The following TXLNB variants were observed in gnomAD, a reference collection of about 807,000 sequenced individuals.
TXLNB encodes the protein taxilin beta.
A neutral mutation model predicts 57.4 loss-of-function variants in TXLNB; 37 were observed. That is an observed-to-expected ratio of 0.64 (90% CI 0.50 to 0.85). The LOEUF (loss-of-function observed/expected upper bound fraction) is 0.85. Among genes scored for constraint, TXLNB ranks in the 40% least tolerant of loss-of-function variants. The pLI, the probability that TXLNB is intolerant of heterozygous loss-of-function variation, is 0.00. For missense variants in TXLNB, 848 were observed against 825.6 expected (o/e 1.03, Z -0.33); for synonymous variants, 302 against 309.6 (o/e 0.98, Z 0.26).
At chr6:139,296,038 C>T (rs9389671), upstream of TXLNB, among the ~76,000 whole-genome samples, 369 of 152,200 alleles carry the variant, frequency 2.4e-3, 9 homozygotes, top group East Asian at 0.061. Context: ...ACCTTGACCC[C>T]CCCCTCCTCC....
chr6:139,200,031 C>T, the TXLNB span: 2 of 152,158 alleles, frequency 1.3e-5, no homozygotes, highest in African/African-American at 2.4e-5. Flanking sequence ...ATAGGTAGCT[C>T]CAGCCAGTAG....
At chr6:139,204,796 T>G in the TXLNB span, among the ~76,000 whole-genome samples, 1 of 152,148 alleles carries the variant, frequency 6.6e-6, no homozygotes, top group Admixed American at 6.5e-5. Flanking sequence ...GAGACCAGCC[T>G]CGCCAACTGC....
intron 2 of TXLNB, among the ~76,000 whole-genome samples, chr6:139,278,788 G>A (rs924123175): frequency 2.0e-5 from 3 of 152,176 alleles, no homozygotes; most frequent in Non-Finnish European, 4.4e-5. Context: ...GGCGGATCAC[G>A]AGGTCAGGAG....
chr6:139,187,756 A>C, the TXLNB span, among the ~76,000 whole-genome samples: 2 of 152,200 alleles, frequency 1.3e-5, no homozygotes, highest in African/African-American at 2.4e-5. Context: ...TTTACAAAGC[A>C]ATTTAGAGGC....
At position 139,285,706 on chromosome 6, in the gene TXLNB, C is replaced by G. The variant is rs79393210; in HGVS notation, c.424+2770G>C. ...CATAGCGATATCTGTAGGAAAATAG[C>G]CCCTTGCATGGCAAGAGTGATGCCA... On this transcript the variant is annotated intron_variant, in intron 2 of 9. Transcript: ENST00000358430. 2.7e-4 allele frequency among the ~76,000 whole-genome samples: 39 copies of G among 145,280 alleles called. 4 individuals are homozygous for G. Among genetic ancestry groups the G allele is most frequent in the African/African-American group, 8.9e-4 (35 of 39,542 alleles).
the TXLNB span, among the ~76,000 whole-genome samples, chr6:139,314,884 C>A: frequency 2.6e-5 from 4 of 152,152 alleles, no homozygotes; most frequent in African/African-American, 4.8e-5. Flanking sequence ...GACTCTGAAA[C>A]GAAATTGCTA....
chr6:139,223,454 CA>C, the TXLNB span, among the ~76,000 whole-genome samples: 2 of 151,842 alleles, frequency 1.3e-5, no homozygotes, highest in South Asian at 4.1e-4. Context: ...AACAAATGTA[CA>C]ATAGAGAAAA....
the TXLNB span, among the ~76,000 whole-genome samples, chr6:139,313,320 T>C: frequency 0.49 from 74,483 of 151,932 alleles, 18,846 homozygotes; most frequent in African/African-American, 0.61. Context: ...GATCCACCCA[T>C]CTCGGCCTCC....
rs1356593285 is a variant in TXLNB at position 139,276,998 on chromosome 6, C to T, written c.425-77G>A. The T allele has an allele frequency of 8.3e-6, 9 of 1,084,752 alleles. No individual in the cohort carries two copies. The Admixed American group carries it at 1.3e-4, about 16-fold the overall frequency. The allele number at this position is 1,084,752 out of a possible 1,614,324, so 67.2% of individuals were successfully genotyped here. The stretch of plus-strand genomic sequence containing the variant: ...ATAAGGGCTGGAGTCTCAGATTGAC[C>T]ACTTGCTAATTATTCCCAACCTTGG... On this transcript the variant is annotated intron_variant, in intron 2 of 9. Transcript: ENST00000358430.
rs1287366228 is a variant in TXLNB at position 139,282,543 on chromosome 6, C to CTCCA, written c.425-5626_425-5623dup. On this transcript the variant is annotated intron_variant, in intron 2 of 9. Coordinates refer to ENST00000358430, the MANE Select transcript of TXLNB (RefSeq NM_153235.4). ...AGTGAGCTGAGATCGCACCACTGTA[C>CTCCA]TCCAGCCTGGGCAACAGAGTGAGAC... 7.6e-5 allele frequency among the ~76,000 whole-genome samples: 11 copies of CTCCA among 145,604 alleles called. 1 individual carries two copies. Among genetic ancestry groups the CTCCA allele is most frequent in the Admixed American group, 7.4e-4 (11 of 14,850 alleles).
chr6:139,255,842 T>C (rs896254712), intron 6 of TXLNB, among the ~76,000 whole-genome samples: 2 of 151,664 alleles, frequency 1.3e-5, no homozygotes, highest in Non-Finnish European at 2.9e-5. Flanking sequence ...TTTGGGTGGC[T>C]GAGCTGGGAG....
At chr6:139,238,225 C>T (rs1433115547), downstream of TXLNB, among the ~76,000 whole-genome samples, 4 of 152,028 alleles carry the variant, frequency 2.6e-5, no homozygotes, top group Non-Finnish European at 5.9e-5. Context: ...GAAACCCCGT[C>T]TCTACTAAAA....
rs756091357 is a variant in TXLNB, at chr6:139,242,885, C to T, written c.1696G>A (p.Glu566Lys). 6.9e-5 allele frequency: 112 copies of T among 1,614,096 alleles called. 1 individual carries two copies. In the South Asian group the frequency reaches 9.8e-4, roughly 14 times the overall value. Residue 566 changes from glutamate to lysine, a missense_variant, in exon 10 of 10, where the codon GAA becomes AAA. Physicochemically the swap from Glu to Lys is moderately conservative, Grantham distance 56 (BLOSUM62 1). Transcript: ENST00000358430. ...LPPLTPQAEA[E>K]GGSDAEPPSK... The stretch of plus-strand genomic sequence containing the variant: ...GGAGGTTCAGCATCACTGCCTCCTT[C>T]GGCTTCAGCCTGAGGAGTTAGGGGA...
chr6:139,304,221 G>A, the TXLNB span, among the ~76,000 whole-genome samples: 2 of 152,134 alleles, frequency 1.3e-5, no homozygotes, highest in Middle Eastern at 3.2e-3. Context: ...TTGGCTCATC[G>A]ATTGTATCCA....
chr6:139,226,688 T>C, the TXLNB span, among the ~76,000 whole-genome samples: 7 of 152,106 alleles, frequency 4.6e-5, no homozygotes, highest in Admixed American at 1.3e-4. Context: ...CCAATAACTA[T>C]AGAAAAAGGT....
At chr6:139,165,118 A>G in the TXLNB span, among the ~76,000 whole-genome samples, 2 of 152,214 alleles carry the variant, frequency 1.3e-5, no homozygotes, top group South Asian at 4.1e-4. Flanking sequence ...TCTATAAGGT[A>G]GCTACTACAA....
At position 139,241,314 on chromosome 6, in the gene TXLNB, A is replaced by G. The variant is rs1240981846; in HGVS notation, c.*1212T>C. 6.6e-6 allele frequency: 1 copy of G among 151,388 alleles called. No homozygotes were observed. The highest frequency in any genetic ancestry group is 2.4e-5 in the African/African-American group (1 of 41,094). The allele number at this position is 151,388 out of a possible 1,614,324, so 9.4% of individuals were successfully genotyped here. ...CCCAGTGTAGATTTGTGTTTTGGAA[A>G]AACAATAGCTTTATTTAGCATTAAT... On this transcript the variant is annotated 3_prime_UTR_variant, in exon 10 of 10. Transcript: ENST00000358430.
At chr6:139,182,973 T>G in the TXLNB span, 41 of 152,290 alleles carry the variant, frequency 2.7e-4, no homozygotes, top group African/African-American at 9.9e-4. Context: ...AATTTAGATA[T>G]CTAAATCAAG....
the TXLNB span, among the ~76,000 whole-genome samples, chr6:139,307,695 C>G: frequency 6.6e-6 from 1 of 151,966 alleles, no homozygotes; most frequent in African/African-American, 2.4e-5. Context: ...TTTTCCTCTT[C>G]TATTCATTCT....
Sources: allele counts gnomAD v4.1 joint callset (sites outside exome capture counted in the v4.1 genomes callset), GRCh38; gene constraint gnomAD v4.1.1; transcripts MANE v1.5; gene names NCBI Gene and HGNC (gene_info 2026-07-23, HGNC 2026-07-21).